The following RBM19 variants were observed in gnomAD, a reference collection of about 807,000 sequenced individuals.
RBM19 encodes probable RNA-binding protein 19.
RBM19 carries 94 observed loss-of-function variants against 116.8 expected under a neutral mutation model. The ratio of observed to expected loss-of-function variants is 0.80; its 90% CI spans 0.68 to 0.95. RBM19 has a LOEUF of 0.95. Among genes scored for constraint, RBM19 ranks in the 40% least tolerant of loss-of-function variants. The pLI is 0.00. For synonymous variants in RBM19, 475 were observed against 494.1 expected, an observed-to-expected ratio of 0.96 and a Z score of 0.51; for missense variants, 1,161 against 1,220.7, an observed-to-expected ratio of 0.95 and a Z score of 0.73.
intron 21 of RBM19, among the ~76,000 whole-genome samples, chr12:113,876,710 G>A (rs769740324): frequency 2.0e-5 from 3 of 152,130 alleles, no homozygotes; most frequent in Admixed American, 6.5e-5. Context: ...AGGAATGCTT[G>A]AGCCCAGGAG....
At chr12:113,882,266 A>G (rs896175523) in intron 21 of RBM19, among the ~76,000 whole-genome samples, 1 of 152,146 alleles carries the variant, frequency 6.6e-6, no homozygotes, top group African/African-American at 2.4e-5. Flanking sequence ...TAAGGAGGAC[A>G]TGGTTCTCTC....
intron 21 of RBM19, among the ~76,000 whole-genome samples, chr12:113,880,249 G>A (rs1281281647): frequency 6.6e-6 from 1 of 152,044 alleles, no homozygotes; most frequent in African/African-American, 2.4e-5. Flanking sequence ...CAAATTAAAT[G>A]GGGAATCCTG....
intron 21 of RBM19, among the ~76,000 whole-genome samples, chr12:113,904,728 G>A (rs776672600): frequency 3.3e-5 from 5 of 152,194 alleles, no homozygotes; most frequent in Non-Finnish European, 5.9e-5. Flanking sequence ...CACAACCTTG[G>A]CATCACGACT....
At chr12:113,818,926 G>C (rs567774945), downstream of RBM19, among the ~76,000 whole-genome samples, 3 of 152,342 alleles carry the variant, frequency 2.0e-5, no homozygotes, top group South Asian at 6.2e-4. Flanking sequence ...AGAGATGCCA[G>C]GGCCCTCCTC....
rs73393066 is a variant in RBM19 at position 113,849,655 on chromosome 12, A to G, written c.2665-4867T>C. Among the ~76,000 whole-genome samples, 820 of 152,276 alleles carry G rather than the reference A, an allele frequency of 5.4e-3. 10 individuals are homozygous for G. Among genetic ancestry groups the G allele is most frequent in the African/African-American group, 0.018 (753 of 41,556 alleles). On this transcript the variant is annotated intron_variant, in intron 22 of 23. Transcript: ENST00000261741. ...AACCTGCACCACTATGGCTCGAGAG[A>G]TCGCATGTCAGACCCCCAGATGGTC...
At chr12:113,949,615 C>T (rs574271809) in intron 9 of RBM19, among the ~76,000 whole-genome samples, 2 of 152,226 alleles carry the variant, frequency 1.3e-5, no homozygotes, top group African/African-American at 4.8e-5. Flanking sequence ...TCAAAGAATA[C>T]ATCCCTGGGT....
intron 22 of RBM19, among the ~76,000 whole-genome samples, chr12:113,858,522 T>C (rs1350420462): frequency 6.6e-6 from 1 of 152,100 alleles, no homozygotes; most frequent in Non-Finnish European, 1.5e-5. Flanking sequence ...GGAAACCCAT[T>C]TGCTTCCCAT....
chr12:113,928,768 A>G (rs1869353615), intron 16 of RBM19, among the ~76,000 whole-genome samples: 1 of 151,834 alleles, frequency 6.6e-6, no homozygotes, highest in African/African-American at 2.4e-5. Context: ...GGAAGTTGGA[A>G]GAGGGCAGTG....
chr12:113,831,675 G>GAGAACACA (rs1401288277), intron 23 of RBM19, among the ~76,000 whole-genome samples: 1 of 152,242 alleles, frequency 6.6e-6, no homozygotes, highest in African/African-American at 2.4e-5. Context: ...GCGGAACACA[G>GAGAACACA]AGAACACAAG....
intron 23 of RBM19, among the ~76,000 whole-genome samples, chr12:113,837,900 G>A (rs918396626): frequency 6.6e-6 from 1 of 152,194 alleles, no homozygotes; most frequent in Non-Finnish European, 1.5e-5. Flanking sequence ...GTTACCACAG[G>A]CATTAGCCTT....
At chr12:113,943,682 G>T (rs1870767889) in intron 13 of RBM19, among the ~76,000 whole-genome samples, 1 of 151,938 alleles carries the variant, frequency 6.6e-6, no homozygotes, top group East Asian at 1.9e-4. Flanking sequence ...AATTAGCCAG[G>T]CATGGTGGTG....
rs777659324 is a variant in RBM19, at chr12:113,915,079, G to A, written c.2448C>T (p.Ala816=). Residue 816 remains alanine (A), a synonymous_variant, in exon 21 of 24, where the codon GCC becomes GCT. Transcript: ENST00000261741. Reference sequence around the variant, plus strand: ...CTTGTTTCTTCCGAGCCAATGTCACGGCTGGCCTGGAGTGGTGGGGGGAGA... The same window carrying A: ...CTTGTTTCTTCCGAGCCAATGTCACAGCTGGCCTGGAGTGGTGGGGGGAGA... ...VRISERATKP[A]VTLARKKQVP... 19 of 1,613,844 alleles carry A rather than the reference G, an allele frequency of 1.2e-5. No individual in the cohort carries two copies. In the South Asian group the frequency reaches 1.4e-4, roughly 12 times the overall value.
chr12:113,944,105 T>G (rs956664346), intron 13 of RBM19, among the ~76,000 whole-genome samples: 3 of 138,648 alleles, frequency 2.2e-5, no homozygotes, highest in Admixed American at 7.3e-5. Flanking sequence ...TTTTTTTTTT[T>G]TTTTTTTTTT....
At chr12:113,919,610 C>T (rs938269590) in intron 19 of RBM19, among the ~76,000 whole-genome samples, 1 of 152,134 alleles carries the variant, frequency 6.6e-6, no homozygotes, top group Non-Finnish European at 1.5e-5. Flanking sequence ...AAAATTTGCC[C>T]TTTGGGATGG....
chr12:113,948,752 G>C (rs1020369043), intron 10 of RBM19, 81 bp downstream of exon 10: 10 of 1,435,788 alleles, frequency 7.0e-6, no homozygotes, highest in Non-Finnish European at 9.6e-6. Context: ...TGCACACTGG[G>C]ACTTGAACCC....
chr12:113,945,754 A>G (rs898081), intron 13 of RBM19, 74 bp downstream of exon 13: 813,517 of 1,285,982 alleles, frequency 0.63, 263,898 homozygotes, highest in East Asian at 0.98. Flanking sequence ...CAACAGCAGT[A>G]CAACGAGCCT....
chr12:113,922,718 GGA>G (rs1868699122), intron 18 of RBM19, among the ~76,000 whole-genome samples: 1 of 151,912 alleles, frequency 6.6e-6, no homozygotes, highest in Admixed American at 6.6e-5. Flanking sequence ...TGAAGACCCT[GGA>G]GAACAGGGAT....
Position 113,946,418 on chromosome 12 carries a change from T to G in RBM19, c.1465A>C (p.Ser489Arg). The stretch of plus-strand genomic sequence containing the variant: ...TTGTAGGACGACGATCCCAGGGCAC[T>G]GGCATCCTCGCTGGCTTCCTTCTTG... ...TIKKEASEDASALGSSSYKKK... is the reference protein window; with the variant it reads ...TIKKEASEDARALGSSSYKKK... Residue 489 changes from serine (S) to arginine (R), a missense_variant, in exon 12 of 24, where the codon AGT becomes CGT. Physicochemically the swap from Ser to Arg is moderately radical, Grantham distance 110 (BLOSUM62 -1). Coordinates refer to ENST00000261741, the MANE Select transcript of RBM19 (RefSeq NM_016196.4). 3 of 1,614,142 alleles carry G rather than the reference T, an allele frequency of 1.9e-6. No individual in the cohort carries two copies. Among genetic ancestry groups the G allele is most frequent in the Non-Finnish European group, 2.5e-6 (3 of 1,180,014 alleles).
chr12:113,924,737 T>C lies in RBM19; in HGVS notation c.2265A>G (p.Thr755=). 6.4e-7 allele frequency: 1 copy of C among 1,552,388 alleles called. No homozygotes were observed. Among genetic ancestry groups the C allele is most frequent in the South Asian group, 1.1e-5 (1 of 89,742 alleles). The change falls in exon 18 of 24, where the codon ACA becomes ACG. Residue 755 remains threonine (T), a synonymous_variant. Coordinates refer to ENST00000261741, the MANE Select transcript of RBM19 (RefSeq NM_016196.4). ...TCTTGGAGATGGAGCAGCTCTTCAC[T>C]GTCCCCACTTTTGAAAACACCTGGA... is the stretch of plus-strand genomic sequence containing the variant. The part of the protein sequence containing the change: ...KLKEVFSKVG[T]VKSCSISKKK...
Sources: allele counts gnomAD v4.1 joint callset (sites outside exome capture counted in the v4.1 genomes callset), GRCh38; gene constraint gnomAD v4.1.1; transcripts MANE v1.5; gene names NCBI Gene and HGNC (gene_info 2026-07-23, HGNC 2026-07-21).